The following CTNNA2 variants were observed in gnomAD, a reference collection of about 807,000 sequenced individuals.
CTNNA2 encodes the protein catenin alpha-2.
CTNNA2 carries 42 observed loss-of-function variants against 101.0 expected under a neutral mutation model. The ratio of observed to expected loss-of-function variants is 0.42; its 90% CI spans 0.32 to 0.54. The LOEUF is 0.54. CTNNA2 is among the 20% of genes least tolerant of loss of function. The pLI, the probability that CTNNA2 is intolerant of heterozygous loss-of-function variation, is 0.14. For synonymous variants in CTNNA2, 450 were observed against 456.4 expected (o/e 0.99, Z 0.18); for missense variants, 871 against 1,223.1 (o/e 0.71, Z 4.29).
At chr2:79,979,341 C>G (rs1474585231) in intron 7 of CTNNA2, among the ~76,000 whole-genome samples, 1 of 152,080 alleles carries the variant, frequency 6.6e-6, no homozygotes, top group African/African-American at 2.4e-5. Context: ...TATGATCATG[C>G]CACTGTACTC....
chr2:80,233,921 T>C (rs188250710), intron 7 of CTNNA2, among the ~76,000 whole-genome samples: 3 of 152,298 alleles, frequency 2.0e-5, no homozygotes, highest in African/African-American at 7.2e-5. Flanking sequence ...CTAGTTCTTT[T>C]GATCTTCAAA....
At chr2:79,243,001 C>CAT in intron 2 of CTNNA2, among the ~76,000 whole-genome samples, 1 of 122,666 alleles carries the variant, frequency 8.2e-6, no homozygotes, top group Non-Finnish European at 1.8e-5. Flanking sequence ...TATACACACA[C>CAT]ACACACACAC....
At chr2:80,147,652 A>G (rs992667503) in intron 7 of CTNNA2, among the ~76,000 whole-genome samples, 1 of 152,136 alleles carries the variant, frequency 6.6e-6, no homozygotes, top group African/African-American at 2.4e-5. Flanking sequence ...TCTTATATGA[A>G]ATATTTAATG....
chr2:80,079,868 A>G (rs1045321582), intron 7 of CTNNA2, among the ~76,000 whole-genome samples: 2 of 144,110 alleles, frequency 1.4e-5, no homozygotes, highest in Non-Finnish European at 3.0e-5. Flanking sequence ...AAAATAAAAT[A>G]AAATAAAATA....
chr2:79,516,711 A>AGG (rs1427214875), intron 1 of CTNNA2, among the ~76,000 whole-genome samples: 1 of 152,174 alleles, frequency 6.6e-6, no homozygotes, highest in Non-Finnish European at 1.5e-5. Context: ...CATGGAATCC[A>AGG]TGATCGGTGT....
chr2:80,604,885 A>ACAGGTTG (rs1263875491), intron 16 of CTNNA2, among the ~76,000 whole-genome samples: 5 of 151,982 alleles, frequency 3.3e-5, no homozygotes, highest in Non-Finnish European at 7.4e-5. Flanking sequence ...AAGGGCAGAA[A>ACAGGTTG]CAGGTTGCAG....
At chr2:80,119,878 T>TA (rs1558826834) in intron 7 of CTNNA2, among the ~76,000 whole-genome samples, 1 of 152,178 alleles carries the variant, frequency 6.6e-6, no homozygotes, top group African/African-American at 2.4e-5. Flanking sequence ...CAATTTATGC[T>TA]AAACAAGGTT....
intron 2 of CTNNA2, among the ~76,000 whole-genome samples, chr2:79,260,816 G>T (rs1335189440): frequency 6.6e-6 from 1 of 152,142 alleles, no homozygotes; most frequent in East Asian, 1.9e-4. Flanking sequence ...CACGGTCACA[G>T]CTGGGCCTTC....
intron 7 of CTNNA2, among the ~76,000 whole-genome samples, chr2:80,040,339 G>A (rs535540627): frequency 6.6e-6 from 1 of 152,250 alleles, no homozygotes; most frequent in Admixed American, 6.5e-5. Flanking sequence ...GAAAAATACT[G>A]TGGGCAGACT....
chr2:79,823,578 A>G (rs548013152), intron 3 of CTNNA2, among the ~76,000 whole-genome samples: 1 of 152,280 alleles, frequency 6.6e-6, no homozygotes, highest in East Asian at 1.9e-4. Flanking sequence ...GACTACATGT[A>G]TGGCATACCT....
chr2:80,429,218 T>G (rs1306341715), intron 9 of CTNNA2, among the ~76,000 whole-genome samples: 2 of 152,174 alleles, frequency 1.3e-5, no homozygotes, highest in East Asian at 3.8e-4. Context: ...AGGCCCCCCC[T>G]TAGACTCTTA....
chr2:79,554,181 C>A (rs1674296044), intron 1 of CTNNA2, among the ~76,000 whole-genome samples: 2 of 152,026 alleles, frequency 1.3e-5, no homozygotes, highest in African/African-American at 4.8e-5. Flanking sequence ...CTCTTGTAGC[C>A]ATCAATACCT....
chr2:79,365,628 A>T lies in CTNNA2; in HGVS notation c.-317-8203A>T, dbSNP rs1185889259. On this transcript the variant is annotated intron_variant, in intron 3 of 21. Coordinates refer to the CTNNA2 transcript ENST00000466387. ...CACAAAGTGAGGCCCTGTCTAAAAA[A>T]AAAAAAGGAGAAAAAGGAAAAAAAA... 2.6e-5 allele frequency among the ~76,000 whole-genome samples: 4 copies of T among 151,990 alleles called. No homozygotes were observed. The South Asian group carries it at 6.2e-4, about 24-fold the overall frequency.
intron 1 of CTNNA2, among the ~76,000 whole-genome samples, chr2:79,600,804 T>A (rs1332979369): frequency 6.6e-6 from 1 of 152,148 alleles, no homozygotes; most frequent in Non-Finnish European, 1.5e-5. Flanking sequence ...GTGAGGGCAC[T>A]CTTTCTGGTT....
At chr2:80,545,846 C>A in intron 10 of CTNNA2, 61 bp from the exon 11 acceptor site, 1 of 1,559,438 alleles carries the variant, frequency 6.4e-7, no homozygotes, top group South Asian at 1.2e-5. Context: ...GGTCTTTGAC[C>A]GGCTTATTCC....
chr2:79,472,518 AT>A (rs1671011043), intron 4 of CTNNA2, among the ~76,000 whole-genome samples: 1 of 152,160 alleles, frequency 6.6e-6, no homozygotes, highest in South Asian at 2.1e-4. Context: ...GCAGCTGAAT[AT>A]TTCTATAATC....
chr2:79,502,222 G>GA (rs1671328201), intron 4 of CTNNA2, among the ~76,000 whole-genome samples: 1 of 152,108 alleles, frequency 6.6e-6, no homozygotes, highest in African/African-American at 2.4e-5. Flanking sequence ...GAGAATATGT[G>GA]TGGGAAAGAT....
Position 80,647,679 on chromosome 2 carries a change from A to G in CTNNA2, c.2669A>G (p.Tyr890Cys). The G allele has an allele frequency of 1.9e-6, 3 of 1,613,480 alleles. No individual in the cohort carries two copies. Among genetic ancestry groups the G allele is most frequent in the Non-Finnish European group, 2.5e-6 (3 of 1,179,520 alleles). The change falls in exon 19 of 19, where the codon TAC (tyrosine) becomes TGC (cysteine). Residue 890 changes from tyrosine (Y) to cysteine (C), a missense_variant. Tyr to Cys is a radical substitution (Grantham distance 194). Transcript: ENST00000402739. ...GCATCCTATGTGGCCTCAACCAAAT[A>G]CCAGAAGGTCTATGGGACAGCAGCT... ...VKASYVASTKYQKVYGTAAVN... is the reference protein window; with the variant it reads ...VKASYVASTKCQKVYGTAAVN...
chr2:79,511,494 G>A (rs1039588167), upstream of CTNNA2, among the ~76,000 whole-genome samples: 1 of 152,132 alleles, frequency 6.6e-6, no homozygotes, highest in African/African-American at 2.4e-5. Context: ...TAAGAAAAAC[G>A]CTAGGTGGTA....
Sources: allele counts gnomAD v4.1 joint callset (sites outside exome capture counted in the v4.1 genomes callset), GRCh38; gene constraint gnomAD v4.1.1; transcripts MANE v1.5; gene names NCBI Gene and HGNC (gene_info 2026-07-23, HGNC 2026-07-21).